Variants in C1GALT1 observed in about 807,000 individuals in gnomAD.
C1GALT1 encodes glycoprotein-N-acetylgalactosamine 3-beta-galactosyltransferase 1.
In C1GALT1, 11 loss-of-function variants were observed where a neutral mutation model predicts 31.0. That is an observed-to-expected ratio of 0.36 (90% confidence interval 0.22 to 0.59). The LOEUF (loss-of-function observed/expected upper bound fraction) is 0.59, where lower values mean the gene tolerates loss of function less well. Among genes scored for constraint, C1GALT1 ranks in the 20% least tolerant of loss-of-function variants. The pLI, the probability that C1GALT1 is intolerant of heterozygous loss-of-function variation, is 0.79. For missense variants in C1GALT1, 424 were observed against 425.2 expected (o/e 1.00, Z 0.03); for synonymous variants, 175 against 143.6 (o/e 1.22, Z -1.56).
intron 1 of C1GALT1, among the ~76,000 whole-genome samples, chr7:7,202,365 T>C (rs1276153285): frequency 2.0e-5 from 3 of 152,242 alleles, no homozygotes; most frequent in African/African-American, 7.2e-5. Context: ...ATGCGCCCTG[T>C]CTGCCATTAT....
intron 1 of C1GALT1, among the ~76,000 whole-genome samples, chr7:7,215,270 A>G (rs1157504480): frequency 6.6e-6 from 1 of 152,184 alleles, no homozygotes; most frequent in Non-Finnish European, 1.5e-5. Context: ...CCATACAGAA[A>G]GAGACATGCA....
At chr7:7,187,374 C>G (rs2128230303) in intron 1 of C1GALT1, among the ~76,000 whole-genome samples, 1 of 152,188 alleles carries the variant, frequency 6.6e-6, no homozygotes, top group South Asian at 2.1e-4. Flanking sequence ...CTCAGCCTCC[C>G]CAGTAGCTGG....
At chr7:7,189,086 TA>T (rs1052415648) in intron 1 of C1GALT1, among the ~76,000 whole-genome samples, 2 of 152,178 alleles carry the variant, frequency 1.3e-5, no homozygotes, top group African/African-American at 4.8e-5. Context: ...TTATTAACAA[TA>T]AAAAGTAACC....
intron 2 of C1GALT1, 25 bp downstream of exon 2, chr7:7,234,564 A>G: frequency 6.5e-7 from 1 of 1,539,916 alleles, no homozygotes; most frequent in Non-Finnish European, 9.0e-7. Flanking sequence ...ATTAAGCAGT[A>G]AACATAAGCA....
intron 1 of C1GALT1, among the ~76,000 whole-genome samples, chr7:7,218,979 G>A (rs1421057715): frequency 3.3e-5 from 5 of 151,696 alleles, no homozygotes; most frequent in African/African-American, 7.3e-5. Context: ...GACTACAGGC[G>A]CCCGCCACCA....
At chr7:7,239,564 A>T (rs558536147) in intron 3 of C1GALT1, among the ~76,000 whole-genome samples, 8 of 152,190 alleles carry the variant, frequency 5.3e-5, no homozygotes, top group Admixed American at 3.3e-4. Context: ...CTCATTTGTA[A>T]GATGGACATA....
chr7:7,177,634 C>T (rs534679339), upstream of C1GALT1, among the ~76,000 whole-genome samples: 1 of 152,310 alleles, frequency 6.6e-6, no homozygotes, highest in South Asian at 2.1e-4. Context: ...AGCTACCATT[C>T]TGCCATACTC....
intron 1 of C1GALT1, among the ~76,000 whole-genome samples, chr7:7,225,206 TTC>T (rs1283230777): frequency 6.6e-6 from 1 of 152,204 alleles, no homozygotes; most frequent in Non-Finnish European, 1.5e-5. Context: ...ATCAATTTAT[TTC>T]TCTCTTTTTT....
intron 1 of C1GALT1, among the ~76,000 whole-genome samples, chr7:7,232,504 T>C (rs1435569341): frequency 6.9e-6 from 1 of 145,856 alleles, no homozygotes; most frequent in Non-Finnish European, 1.5e-5. Context: ...TTTGTTTTTT[T>C]TTTTTTGAGA....
intron 2 of C1GALT1, among the ~76,000 whole-genome samples, chr7:7,171,247 C>T: frequency 6.6e-6 from 1 of 151,496 alleles, no homozygotes; most frequent in South Asian, 2.1e-4. Flanking sequence ...GCCTTTAATT[C>T]TGTCAATATT....
intron 1 of C1GALT1, among the ~76,000 whole-genome samples, chr7:7,202,318 C>T (rs77408446): frequency 0.031 from 4,712 of 152,306 alleles, 163 homozygotes; most frequent in African/African-American, 0.084. Flanking sequence ...TCTCCACACA[C>T]TACTCGGTGT....
chr7:7,228,379 C>T (rs895253957), intron 1 of C1GALT1, among the ~76,000 whole-genome samples: 8 of 152,096 alleles, frequency 5.3e-5, no homozygotes, highest in African/African-American at 1.9e-4. Flanking sequence ...TATCCTCAAG[C>T]GATTCTGATT....
intron 1 of C1GALT1, among the ~76,000 whole-genome samples, chr7:7,218,462 C>A (rs1782352595): frequency 6.6e-6 from 1 of 151,800 alleles, no homozygotes; most frequent in Non-Finnish European, 1.5e-5. Flanking sequence ...GAAAAATGAA[C>A]AAATAATGGA....
rs1343125220 is a variant in C1GALT1, at chr7:7,234,540, G to A, written c.220+1G>A. ...AATGCAGATTCTAGCCAACATAAAG[G>A]TATGGTTTACTTTATTAAGCAGTAA... On this transcript the variant is annotated splice_donor_variant, in intron 2 of 3. Coordinates refer to ENST00000436587, the MANE Select transcript of C1GALT1 (RefSeq NM_020156.5). LOFTEE classifies it high-confidence loss of function. The A allele has an allele frequency of 6.3e-7, 1 of 1,598,764 alleles. No homozygotes were observed. Among genetic ancestry groups the A allele is most frequent in the Non-Finnish European group, 8.6e-7 (1 of 1,166,406 alleles).
At chr7:7,178,417 T>C (rs749573155), upstream of C1GALT1, 1 of 199,124 alleles carries the variant, frequency 5.0e-6, no homozygotes, top group South Asian at 1.0e-4. Flanking sequence ...TGTAATTTGC[T>C]TGGAGATGGC....
At chr7:7,199,385 G>A (rs966482754) in intron 1 of C1GALT1, among the ~76,000 whole-genome samples, 3 of 151,694 alleles carry the variant, frequency 2.0e-5, no homozygotes, top group Admixed American at 6.5e-5. Context: ...TAGTTTGATC[G>A]CACTGTGGTC....
chr7:7,186,100 C>T (rs192237458), intron 1 of C1GALT1, among the ~76,000 whole-genome samples: 44 of 152,234 alleles, frequency 2.9e-4, no homozygotes, highest in African/African-American at 9.4e-4. Flanking sequence ...GAGGATAGCA[C>T]AGGGCACCAC....
At chr7:7,192,725 T>G (rs1562564160) in intron 1 of C1GALT1, among the ~76,000 whole-genome samples, 1 of 152,170 alleles carries the variant, frequency 6.6e-6, no homozygotes, top group African/African-American at 2.4e-5. Flanking sequence ...TTAAGGAATC[T>G]CCACACCATT....
chr7:7,187,254 A>AT (rs11402802), intron 1 of C1GALT1, among the ~76,000 whole-genome samples: 30,835 of 146,982 alleles, frequency 0.21, 4,167 homozygotes, highest in African/African-American at 0.38. Context: ...TCTTCCTGAG[A>AT]TTTTTTTTTT....
Sources: gnomAD v4.1 joint callset for allele counts (sites outside exome capture counted in the v4.1 genomes callset) on GRCh38, gnomAD v4.1.1 for gene constraint, MANE v1.5 for transcripts, NCBI Gene and HGNC (gene_info 2026-07-23, HGNC 2026-07-21) for gene names.